TAOK3: variants seen among roughly 807,000 people sequenced by gnomAD.
TAOK3 encodes the protein serine/threonine-protein kinase TAO3.
A neutral mutation model predicts 120.4 loss-of-function variants in TAOK3; 40 were observed. That is an observed-to-expected ratio of 0.33 (90% confidence interval 0.26 to 0.43). The LOEUF is 0.43. Ranked by LOEUF, TAOK3 falls within the 20% of genes least tolerant of loss-of-function variation. TAOK3 has a pLI of 1.00. For missense variants in TAOK3, 821 were observed against 1,112.1 expected (o/e 0.74, Z 3.72); for synonymous variants, 355 against 387.5 (o/e 0.92, Z 0.99).
chr12:118,238,969 G>A (rs1234522136), intron 6 of TAOK3, among the ~76,000 whole-genome samples: 1 of 152,168 alleles, frequency 6.6e-6, no homozygotes, highest in African/African-American at 2.4e-5. Flanking sequence ...TTGGCTACAT[G>A]TACCATATCA....
Position 118,181,515 on chromosome 12 carries a change from C to G in TAOK3, c.1422G>C (p.Gln474His). ...TCAGCTTGTTCTCCAGGGCGATCAG[C>G]TGCTTCTGGTGCTGGCGCCGCATCC... Reference protein sequence around the residue: ...YKRMRRQHQKQLIALENKLKA... With the variant: ...YKRMRRQHQKHLIALENKLKA... Residue 474 changes from glutamine (Q) to histidine (H), a missense_variant, in exon 15 of 21, where the codon CAG (glutamine) becomes CAC (histidine). Around this residue, in one of 2 missense-constraint regions of TAOK3, gnomAD observed 354 missense variants for 572.1 expected, o/e 0.62. Transcript: ENST00000392533. The G allele has an allele frequency of 6.2e-7, 1 of 1,614,230 alleles. No individual in the cohort carries two copies. Among genetic ancestry groups the G allele is most frequent in the South Asian group, 1.1e-5 (1 of 91,088 alleles).
chr12:118,163,198 T>C (rs35506792), intron 17 of TAOK3, among the ~76,000 whole-genome samples: 12,723 of 152,102 alleles, frequency 0.084, 650 homozygotes, highest in Admixed American at 0.13. Flanking sequence ...GGGCTGAGGA[T>C]TAGAGAAAGC....
chr12:118,211,220 T>C (rs1032463162), intron 11 of TAOK3, among the ~76,000 whole-genome samples: 11 of 152,302 alleles, frequency 7.2e-5, no homozygotes, highest in African/African-American at 2.6e-4. Context: ...TGGAATCAAA[T>C]CAAAGGAAGA....
intron 13 of TAOK3, among the ~76,000 whole-genome samples, chr12:118,191,011 C>T (rs2037404785): frequency 6.6e-6 from 1 of 152,026 alleles, no homozygotes; most frequent in Non-Finnish European, 1.5e-5. Context: ...TCCTTATTTC[C>T]CTAGGGTTTT....
chr12:118,338,601 T>C lies in TAOK3; in HGVS notation c.-194+34047A>G, dbSNP rs530118861. 5.9e-5 allele frequency among the ~76,000 whole-genome samples: 9 copies of C among 151,540 alleles called. No individual in the cohort carries two copies. The East Asian group carries it at 1.2e-3, about 20-fold the overall frequency. ...AGGAGCTCGAGACCAGCCTGGCCAATGTGGTGAAACCCTGTCTCTACTAAA... is the reference window on the plus strand; with the variant it reads ...AGGAGCTCGAGACCAGCCTGGCCAACGTGGTGAAACCCTGTCTCTACTAAA... On this transcript the variant is annotated intron_variant, in intron 1 of 20. Transcript: ENST00000392533.
chr12:118,304,158 G>C (rs2042971333), intron 1 of TAOK3, among the ~76,000 whole-genome samples: 1 of 152,134 alleles, frequency 6.6e-6, no homozygotes, highest in Non-Finnish European at 1.5e-5. Context: ...ACGTTTTTCA[G>C]AAGAAATTCT....
chr12:118,346,137 C>CA (rs561917920), intron 1 of TAOK3, among the ~76,000 whole-genome samples: 2 of 151,734 alleles, frequency 1.3e-5, no homozygotes, highest in African/African-American at 4.8e-5. Context: ...TTTATTAAAG[C>CA]AAAAAACATG....
At chr12:118,328,338 G>T (rs1335069960) in intron 1 of TAOK3, among the ~76,000 whole-genome samples, 2 of 152,164 alleles carry the variant, frequency 1.3e-5, no homozygotes, top group Admixed American at 1.3e-4. Context: ...ACAGGCATGA[G>T]CCACTGCGCC....
intron 1 of TAOK3, among the ~76,000 whole-genome samples, chr12:118,363,046 AAAAG>A (rs1169157878): frequency 6.6e-5 from 9 of 135,920 alleles, no homozygotes; most frequent in African/African-American, 1.9e-4. Context: ...AAAAAAAAAG[AAAAG>A]AAAGAAAGAG....
At chr12:118,159,286 C>G (rs2035053851) in intron 19 of TAOK3, among the ~76,000 whole-genome samples, 1 of 151,288 alleles carries the variant, frequency 6.6e-6, no homozygotes, top group Admixed American at 6.6e-5. Flanking sequence ...CCCTAACCCC[C>G]AGTACCTCCC....
At chr12:118,191,972 A>G (rs1259422443) in intron 13 of TAOK3, among the ~76,000 whole-genome samples, 1 of 152,198 alleles carries the variant, frequency 6.6e-6, no homozygotes, top group Non-Finnish European at 1.5e-5. Context: ...CCCCAAATAC[A>G]TGGGCAACAG....
intron 9 of TAOK3, among the ~76,000 whole-genome samples, chr12:118,232,643 C>T (rs564900968): frequency 6.6e-6 from 1 of 152,254 alleles, no homozygotes; most frequent in Admixed American, 6.5e-5. Context: ...TGGTGTCTCA[C>T]ATCTATAATC....
chr12:118,216,942 A>AAAAAG (rs2139557667), intron 9 of TAOK3, among the ~76,000 whole-genome samples: 1 of 151,824 alleles, frequency 6.6e-6, no homozygotes, highest in South Asian at 2.1e-4. Context: ...AAAAAAAAAA[A>AAAAAG]AAAAAGAAAA....
intron 1 of TAOK3, among the ~76,000 whole-genome samples, chr12:118,344,798 ATAAT>A (rs1237124882): frequency 3.3e-5 from 5 of 152,180 alleles, no homozygotes; most frequent in Non-Finnish European, 1.5e-5. Flanking sequence ...TTATTTTCTG[ATAAT>A]TAATAACATT....
At chr12:118,315,165 T>A (rs2043408605) in intron 1 of TAOK3, among the ~76,000 whole-genome samples, 1 of 152,174 alleles carries the variant, frequency 6.6e-6, no homozygotes, top group Non-Finnish European at 1.5e-5. Context: ...CCTCAAGTGA[T>A]CTGCCCGCCT....
chr12:118,203,304 A>G (rs1203778478), intron 11 of TAOK3, among the ~76,000 whole-genome samples: 1 of 152,224 alleles, frequency 6.6e-6, no homozygotes, highest in Non-Finnish European at 1.5e-5. Context: ...CCTAAAGTCC[A>G]TAAATTAATC....
At position 118,252,845 on chromosome 12, in the gene TAOK3, G is replaced by A. The variant is rs974855122; in HGVS notation, c.120+2603C>T. Among the ~76,000 whole-genome samples the A allele has an allele frequency of 4.0e-5, 6 of 151,424 alleles. No homozygotes were observed. The South Asian group carries it at 1.3e-3, about 32-fold the overall frequency. ...CGCCATTCTCCTGCCTCAGCCTCCC[G>A]AGTAGCTAAGTAGCTAAGTACAGGC... On this transcript the variant is annotated intron_variant, in intron 3 of 20. Transcript: ENST00000392533.
chr12:118,317,056 A>T (rs1286612395), intron 1 of TAOK3, among the ~76,000 whole-genome samples: 1 of 151,976 alleles, frequency 6.6e-6, no homozygotes, highest in Non-Finnish European at 1.5e-5. Flanking sequence ...TGAGCTCAGG[A>T]GTTCGAGACC....
rs2034402615 is a variant in TAOK3, at chr12:118,151,285, GCGCGCACACACACA to G, written c.2536-141_2536-128del. ...ATAGGCACACACATGAAGTGCGCGCGCGCGCACACACACACACACACACACACACACACAGGAAC... is the reference window on the plus strand; with the variant it reads ...ATAGGCACACACATGAAGTGCGCGCGCACACACACACACACACACAGGAAC... On this transcript the variant is annotated intron_variant, in intron 20 of 20. Transcript: ENST00000392533. The G allele has an allele frequency of 1.0e-4, 61 of 612,498 alleles. No homozygotes were observed. In the Middle Eastern group the frequency reaches 1.3e-3, roughly 13 times the overall value. 37.9% of individuals were successfully genotyped at this position (612,498 alleles called of 1,614,324 possible).
Sources: allele counts gnomAD v4.1 joint callset (sites outside exome capture counted in the v4.1 genomes callset), GRCh38; gene constraint gnomAD v4.1.1; regional missense constraint gnomAD v4.1.1; transcripts MANE v1.5; gene names NCBI Gene and HGNC (gene_info 2026-07-23, HGNC 2026-07-21).